The following SRFBP1 variants were observed in gnomAD, a reference collection of about 807,000 sequenced individuals.
SRFBP1 encodes serum response factor binding protein 1, also known as serum response factor-binding protein 1.
A neutral mutation model predicts 45.5 loss-of-function variants in SRFBP1; 47 were observed. The observed-to-expected ratio is 1.03, with a 90% CI of 0.82 to 1.32. The LOEUF (loss-of-function observed/expected upper bound fraction) is 1.32, where lower values mean the gene tolerates loss of function less well. SRFBP1 is among the 40% of genes most tolerant of loss of function. The probability of loss-of-function intolerance (pLI) is 0.00; values close to 1 mark genes in which losing one functional copy is unlikely to be tolerated. For missense variants in SRFBP1, 621 were observed against 484.6 expected, an observed-to-expected ratio of 1.28 and a Z score of -2.64; for synonymous variants, 203 against 166.3, an observed-to-expected ratio of 1.22 and a Z score of -1.70.
chr5:122,019,541 AAT>A (rs1157529109), intron 5 of SRFBP1, among the ~76,000 whole-genome samples, 200 bp downstream of exon 5: 1 of 151,674 alleles, frequency 6.6e-6, no homozygotes, highest in Non-Finnish European at 1.5e-5. Flanking sequence ...AGTAAATTCT[AAT>A]ATGTGAACGT....
At chr5:122,050,561 A>ATTTG (rs935758374) in intron 2 of SRFBP1, among the ~76,000 whole-genome samples, 6 of 151,334 alleles carry the variant, frequency 4.0e-5, no homozygotes, top group African/African-American at 1.5e-4. Context: ...GTTGGGTTTT[A>ATTTG]TTTGTTTGTT....
At chr5:122,051,886 G>A (rs2152577876) in intron 2 of SRFBP1, among the ~76,000 whole-genome samples, 1 of 152,138 alleles carries the variant, frequency 6.6e-6, no homozygotes, top group South Asian at 2.1e-4. Flanking sequence ...GTAGTAGCTG[G>A]TAACAGTCCT....
At chr5:121,970,590 G>A (rs147891862) in intron 1 of SRFBP1, among the ~76,000 whole-genome samples, 10 of 150,968 alleles carry the variant, frequency 6.6e-5, no homozygotes, top group African/African-American at 2.2e-4. Flanking sequence ...TTTATGCAAA[G>A]TATGATTTTT....
intron 7 of SRFBP1, among the ~76,000 whole-genome samples, chr5:122,026,327 C>T (rs111581897): frequency 7.5e-4 from 114 of 152,300 alleles, no homozygotes; most frequent in African/African-American, 2.6e-3. Context: ...ACTATATGGA[C>T]TAGAATACAA....
In SRFBP1 at chr5:122,049,037, T is replaced by C. The variant is rs532330641; in HGVS notation, n.312-26278T>C. 2.1e-3 allele frequency among the ~76,000 whole-genome samples: 320 copies of C among 152,272 alleles called. 4 individuals carry two copies. Among genetic ancestry groups the C allele is most frequent in the African/African-American group, 7.4e-3 (307 of 41,566 alleles). On this transcript the variant is annotated intron_variant and non_coding_transcript_variant, in intron 2 of 2. Transcript: ENST00000504881. ...ATTTTTTGAAGGGTTTTTTTGTGTC[T>C]CTGTTTCCTTCAGTTCTGCTCTGAT...
At chr5:122,004,733 G>A (rs1752943722) in intron 4 of SRFBP1, among the ~76,000 whole-genome samples, 1 of 151,918 alleles carries the variant, frequency 6.6e-6, no homozygotes. Context: ...ATTCTTTGAG[G>A]TGTAACTTGA....
chr5:122,027,229 C>A lies in SRFBP1; in HGVS notation c.*103C>A. On this transcript the variant is annotated 3_prime_UTR_variant, in exon 8 of 8. Coordinates refer to ENST00000339397, the MANE Select transcript of SRFBP1 (RefSeq NM_152546.3). Reference sequence around the variant, plus strand: ...AGACTAGAGTACAATATTGCAATCACAGCTCACTGCAGCCTCAAACTCCTG... The same window carrying A: ...AGACTAGAGTACAATATTGCAATCAAAGCTCACTGCAGCCTCAAACTCCTG... 1.1e-6 allele frequency: 1 copy of A among 887,180 alleles called. No homozygotes were observed. The highest frequency in any genetic ancestry group is 1.7e-6 in the Non-Finnish European group (1 of 597,032). 55.0% of individuals were successfully genotyped at this position (887,180 alleles called of 1,614,324 possible).
intron 7 of SRFBP1, among the ~76,000 whole-genome samples, chr5:122,025,712 A>G (rs1340548022): frequency 1.3e-5 from 2 of 152,082 alleles, no homozygotes; most frequent in African/African-American, 4.8e-5. Context: ...GGTTGTTTTG[A>G]TTTCTGTCTA....
rs1265607768 is a variant in SRFBP1, at chr5:121,964,579, T to A, written c.36+2511T>A. 2.6e-5 allele frequency among the ~76,000 whole-genome samples: 4 copies of A among 152,310 alleles called. No individual in the cohort carries two copies. The East Asian group carries it at 7.7e-4, about 29-fold the overall frequency. On this transcript the variant is annotated intron_variant, in intron 1 of 7. Transcript: ENST00000339397. Reference sequence around the variant, plus strand: ...TGGTGTATATGTGCCGCATTTTCATTATCCAGTCTATCATTGATGGGCATT... The same window carrying A: ...TGGTGTATATGTGCCGCATTTTCATAATCCAGTCTATCATTGATGGGCATT...
At chr5:122,045,314 T>C (rs1479232399) in intron 2 of SRFBP1, among the ~76,000 whole-genome samples, 4 of 152,138 alleles carry the variant, frequency 2.6e-5, no homozygotes, top group Non-Finnish European at 5.9e-5. Context: ...GTTCTTTTTG[T>C]TTAAGATTGC....
intron 2 of SRFBP1, among the ~76,000 whole-genome samples, chr5:122,042,612 G>A (rs577960845): frequency 1.3e-5 from 2 of 152,102 alleles, no homozygotes; most frequent in Admixed American, 1.3e-4. Flanking sequence ...TTCTTATTTT[G>A]CATATTTGTG....
intron 1 of SRFBP1, among the ~76,000 whole-genome samples, chr5:121,963,565 A>G (rs1751996082): frequency 6.6e-6 from 1 of 152,170 alleles, no homozygotes; most frequent in Non-Finnish European, 1.5e-5. Context: ...AAAACAGTTA[A>G]AATTTGACCT....
intron 2 of SRFBP1, among the ~76,000 whole-genome samples, chr5:122,040,183 A>G (rs1753751177): frequency 6.6e-6 from 1 of 152,064 alleles, no homozygotes; most frequent in Non-Finnish European, 1.5e-5. Context: ...TAACCTGGGA[A>G]GTATTTGTAT....
At chr5:122,007,422 G>A (rs559277446) in intron 4 of SRFBP1, among the ~76,000 whole-genome samples, 1 of 152,004 alleles carries the variant, frequency 6.6e-6, no homozygotes, top group African/African-American at 2.4e-5. Context: ...TAGGTCCACG[G>A]TGCTGGTCGA....
chr5:121,971,224 G>A (rs1353456952), intron 1 of SRFBP1, among the ~76,000 whole-genome samples: 1 of 151,874 alleles, frequency 6.6e-6, no homozygotes, highest in African/African-American at 2.4e-5. Context: ...ATTGGAGAGA[G>A]GCAAGAAGAA....
At chr5:122,016,027 G>T (rs2112701796) in intron 4 of SRFBP1, among the ~76,000 whole-genome samples, 1 of 152,266 alleles carries the variant, frequency 6.6e-6, no homozygotes, top group Middle Eastern at 3.4e-3. Flanking sequence ...TGTGAGTCAT[G>T]TACTGAGTTA....
At position 122,073,471 on chromosome 5, in the gene SRFBP1, T is replaced by G. The variant is rs113982754; in HGVS notation, n.312-1844T>G. Reference sequence around the variant, plus strand: ...TGCTTTTAAAGAAACTTATTTTTCCTCCATTTGCTAACCGCAACCACTATT... The same window carrying G: ...TGCTTTTAAAGAAACTTATTTTTCCGCCATTTGCTAACCGCAACCACTATT... On this transcript the variant is annotated intron_variant and non_coding_transcript_variant, in intron 2 of 2. Transcript: ENST00000504881. 1.1e-3 allele frequency among the ~76,000 whole-genome samples: 163 copies of G among 152,282 alleles called. 1 individual carries two copies. The highest frequency in any genetic ancestry group is 3.8e-3 in the African/African-American group (159 of 41,560).
At chr5:122,078,104 G>T, downstream of SRFBP1, 1 of 951,380 alleles carries the variant, frequency 1.1e-6, no homozygotes, top group Non-Finnish European at 1.4e-6. Context: ...GCGGAGCACG[G>T]GTATCTCAGT....
rs1751955374 is a variant in SRFBP1, at chr5:121,962,058, T to G, written c.26T>G (p.Leu9Arg). Residue 9 changes from leucine (L) to arginine (R), a missense_variant, in exon 1 of 8, where the codon CTC becomes CGC. By Grantham distance (102) the Leu-to-Arg change is moderately radical. Transcript: ENST00000339397. MAQPGTLN[L>R]NNEVVKMRKE... ...ATGGCTCAGCCGGGAACTCTGAACC[T>G]CAATAACGAGGTGAGCGCCGAGGAA... is the stretch of plus-strand genomic sequence containing the variant. 1 of 1,613,912 alleles carries G rather than the reference T, an allele frequency of 6.2e-7. No homozygotes were observed. The highest frequency in any genetic ancestry group is 1.3e-5 in the African/African-American group (1 of 74,876).
Sources: allele counts gnomAD v4.1 joint callset (sites outside exome capture counted in the v4.1 genomes callset), GRCh38; gene constraint gnomAD v4.1.1; transcripts MANE v1.5; gene names NCBI Gene and HGNC (gene_info 2026-07-23, HGNC 2026-07-21).